The following CRACD variants were observed in gnomAD, a reference collection of about 807,000 sequenced individuals.
The protein encoded by CRACD is capping protein-inhibiting regulator of actin dynamics.
In CRACD, 56 loss-of-function variants were observed where a neutral mutation model predicts 106.8. The ratio of observed to expected loss-of-function variants is 0.52; its 90% CI spans 0.42 to 0.66. The LOEUF is 0.66. Among genes scored for constraint, CRACD ranks in the 30% least tolerant of loss-of-function variants. The pLI, the probability that CRACD is intolerant of heterozygous loss-of-function variation, is 0.00. For synonymous variants in CRACD, 754 were observed against 670.8 expected, an observed-to-expected ratio of 1.12 and a Z score of -1.92; for missense variants, 1,730 against 1,623.2, an observed-to-expected ratio of 1.07 and a Z score of -1.13.
chr4:56,156,570 A>C (rs1381352248), intron 1 of CRACD, among the ~76,000 whole-genome samples: 1 of 152,212 alleles, frequency 6.6e-6, no homozygotes, highest in Non-Finnish European at 1.5e-5. Flanking sequence ...AGAATGTAAG[A>C]TTTGATTAAT....
At chr4:56,138,540 G>A (rs1735085287) in intron 1 of CRACD, among the ~76,000 whole-genome samples, 1 of 151,992 alleles carries the variant, frequency 6.6e-6, no homozygotes. Flanking sequence ...TGGGAGCAAT[G>A]GGAAAAATGC....
At chr4:56,194,916 A>G (rs1737535592) in intron 2 of CRACD, among the ~76,000 whole-genome samples, 1 of 152,190 alleles carries the variant, frequency 6.6e-6, no homozygotes, top group Admixed American at 6.5e-5. Flanking sequence ...GCCAAGTCCA[A>G]ATGGAGACAT....
chr4:56,171,367 C>T (rs914651138), intron 1 of CRACD, among the ~76,000 whole-genome samples: 3 of 151,882 alleles, frequency 2.0e-5, no homozygotes, highest in Non-Finnish European at 4.4e-5. Context: ...TAAAAACAAC[C>T]AGGAAGACAC....
At chr4:56,202,312 C>A (rs1737919555) in intron 2 of CRACD, among the ~76,000 whole-genome samples, 2 of 152,136 alleles carry the variant, frequency 1.3e-5, no homozygotes, top group South Asian at 4.1e-4. Context: ...GTGGCGTGAT[C>A]TTGGCTCACT....
chr4:56,230,399 A>G (rs1739551271), intron 2 of CRACD, among the ~76,000 whole-genome samples: 1 of 152,126 alleles, frequency 6.6e-6, no homozygotes, highest in East Asian at 1.9e-4. Context: ...CTATTAAACA[A>G]CATGTACTGA....
intron 1 of CRACD, among the ~76,000 whole-genome samples, chr4:56,136,989 T>C (rs1022431856): frequency 2.0e-5 from 3 of 152,238 alleles, no homozygotes; most frequent in South Asian, 2.1e-4. Flanking sequence ...ATATCTTCCA[T>C]GAATTGCCCT....
chr4:56,081,974 CA>C (rs34692481), intron 1 of CRACD, among the ~76,000 whole-genome samples: 2 of 143,654 alleles, frequency 1.4e-5, no homozygotes, highest in Non-Finnish European at 3.1e-5. Context: ...GACTCCGTCT[CA>C]AAAAAAAAAG....
chr4:56,197,703 G>A (rs942450848), intron 2 of CRACD, among the ~76,000 whole-genome samples: 9 of 151,468 alleles, frequency 5.9e-5, no homozygotes, highest in African/African-American at 1.9e-4. Context: ...TTTTGAAACG[G>A]AGTCTCACTC....
intron 1 of CRACD, among the ~76,000 whole-genome samples, chr4:56,126,712 A>G (rs149680978): frequency 0.011 from 1,617 of 152,328 alleles, 5 homozygotes; most frequent in Middle Eastern, 0.02. Context: ...AAAAATTTTT[A>G]CATACAATTT....
intron 2 of CRACD, among the ~76,000 whole-genome samples, chr4:56,256,280 A>T (rs1274556440): frequency 6.6e-6 from 1 of 152,090 alleles, no homozygotes; most frequent in Non-Finnish European, 1.5e-5. Flanking sequence ...TATAAAAGGG[A>T]GTTTCCCTGC....
At chr4:56,203,670 G>A (rs1337021977) in intron 2 of CRACD, among the ~76,000 whole-genome samples, 2 of 152,146 alleles carry the variant, frequency 1.3e-5, no homozygotes, top group Non-Finnish European at 2.9e-5. Context: ...AGGGTCCAGT[G>A]CAAAATGAAA....
chr4:56,326,662 A>T (rs1746467115), intron 10 of CRACD, among the ~76,000 whole-genome samples: 1 of 151,972 alleles, frequency 6.6e-6, no homozygotes, highest in South Asian at 2.1e-4. Context: ...TGAGACAAGG[A>T]TGAAAGTCAT....
At chr4:56,271,445 A>G (rs1742341549) in intron 2 of CRACD, among the ~76,000 whole-genome samples, 1 of 152,140 alleles carries the variant, frequency 6.6e-6, no homozygotes, top group Admixed American at 6.5e-5. Flanking sequence ...CTGGAAATAT[A>G]TGGGGATAGA....
intron 2 of CRACD, among the ~76,000 whole-genome samples, chr4:56,229,252 T>C (rs930852124): frequency 2.0e-5 from 3 of 152,204 alleles, no homozygotes; most frequent in Non-Finnish European, 4.4e-5. Context: ...GTGGGGCCTT[T>C]CGGAGGTGGC....
intron 3 of CRACD, among the ~76,000 whole-genome samples, chr4:56,274,039 T>G (rs1742524114): frequency 6.6e-6 from 1 of 152,252 alleles, no homozygotes; most frequent in African/African-American, 2.4e-5. Context: ...GTCCTGATAC[T>G]GACTCTTTTC....
rs191348868 is a variant in CRACD at position 56,211,661 on chromosome 4, C to T, written c.-189+32231C>T. On this transcript the variant is annotated intron_variant, in intron 2 of 10. Coordinates refer to ENST00000682029, the MANE Select transcript of CRACD (RefSeq NM_001393381.1). ...GTTTCTCCCCCAGTGCAGCTGAGTC[C>T]GGGGCTTTTATGGGCTCACAATTGG... is the stretch of plus-strand genomic sequence containing the variant. 5.3e-5 allele frequency among the ~76,000 whole-genome samples: 8 copies of T among 152,228 alleles called. No individual in the cohort carries two copies. In the South Asian group the frequency reaches 6.2e-4, roughly 12 times the overall value.
At chr4:56,092,823 T>C (rs1006935343) in intron 1 of CRACD, among the ~76,000 whole-genome samples, 1 of 152,124 alleles carries the variant, frequency 6.6e-6, no homozygotes. Flanking sequence ...CCTAGGCTCG[T>C]CTCGAACTCC....
chr4:56,061,263 G>A (rs917939801), intron 1 of CRACD, among the ~76,000 whole-genome samples: 1 of 152,038 alleles, frequency 6.6e-6, no homozygotes, highest in Non-Finnish European at 1.5e-5. Context: ...CTCGACCTCC[G>A]GGGCTCAAAG....
intron 1 of CRACD, among the ~76,000 whole-genome samples, chr4:56,073,287 T>C (rs189859494): frequency 6.6e-6 from 1 of 152,332 alleles, no homozygotes; most frequent in East Asian, 1.9e-4. Context: ...GTCTTTTTAA[T>C]GGTCACCATT....
Sources: gnomAD v4.1 joint callset for allele counts (sites outside exome capture counted in the v4.1 genomes callset) on GRCh38, gnomAD v4.1.1 for gene constraint, MANE v1.5 for transcripts, NCBI Gene and HGNC (gene_info 2026-07-23, HGNC 2026-07-21) for gene names.